Variants in CPED1 observed in about 807,000 individuals in gnomAD.
The protein encoded by CPED1 is cadherin like and PC-esterase domain containing 1, also known as cadherin-like and PC-esterase domain-containing protein 1.
Under a neutral mutation model 128.2 loss-of-function variants are expected in CPED1, and 114 were observed. That is an observed-to-expected ratio of 0.89 (90% CI 0.76 to 1.04). The LOEUF (loss-of-function observed/expected upper bound fraction) is 1.04. Ranked by LOEUF, CPED1 falls within the 50% of genes least tolerant of loss-of-function variation. The probability of loss-of-function intolerance (pLI) is 0.00; values close to 1 mark genes in which losing one functional copy is unlikely to be tolerated. For synonymous variants in CPED1, 462 were observed against 426.7 expected (o/e 1.08, Z -1.02); for missense variants, 1,211 against 1,207.1 (o/e 1.00, Z -0.05).
intron 7 of CPED1, among the ~76,000 whole-genome samples, chr7:121,122,539 T>G (rs1388840165): frequency 2.6e-5 from 4 of 152,210 alleles, no homozygotes; most frequent in African/African-American, 9.7e-5. Context: ...TCATTTAATC[T>G]CAAGGATACC....
chr7:121,080,975 C>A (rs1464717660), intron 5 of CPED1, among the ~76,000 whole-genome samples: 1 of 152,142 alleles, frequency 6.6e-6, no homozygotes, highest in Non-Finnish European at 1.5e-5. Context: ...TGCAACATAT[C>A]ATCAATATTA....
At chr7:121,199,600 C>T (rs1797342894) in intron 16 of CPED1, among the ~76,000 whole-genome samples, 1 of 144,654 alleles carries the variant, frequency 6.9e-6, no homozygotes, top group Non-Finnish European at 1.5e-5. Context: ...TCGCTTGAAC[C>T]TGGGAGCTAG....
chr7:121,094,699 G>A (rs117460765), intron 5 of CPED1, among the ~76,000 whole-genome samples: 95 of 152,274 alleles, frequency 6.2e-4, no homozygotes, highest in Non-Finnish European at 1.1e-3. Flanking sequence ...ATTGTTGGTA[G>A]ACAAGAACCA....
chr7:121,265,526 A>T (rs984820148), intron 18 of CPED1, among the ~76,000 whole-genome samples: 1 of 152,126 alleles, frequency 6.6e-6, no homozygotes, highest in Admixed American at 6.6e-5. Context: ...AGATAGCCAG[A>T]ACTAGACATT....
At chr7:121,159,714 C>A (rs1440465206) in intron 16 of CPED1, among the ~76,000 whole-genome samples, 1 of 152,100 alleles carries the variant, frequency 6.6e-6, no homozygotes, top group African/African-American at 2.4e-5. Flanking sequence ...AATTAGCTAA[C>A]ACTCTGTTGT....
At chr7:121,241,746 C>A (rs1438071914) in intron 17 of CPED1, among the ~76,000 whole-genome samples, 2 of 152,060 alleles carry the variant, frequency 1.3e-5, no homozygotes, top group Non-Finnish European at 2.9e-5. Flanking sequence ...CTATTTGGAA[C>A]AATTGTGGCT....
intron 2 of CPED1, among the ~76,000 whole-genome samples, chr7:121,007,231 A>ATTTTTTTTTTTTTTTTTT (rs398006038): frequency 3.9e-5 from 5 of 129,824 alleles, no homozygotes; most frequent in Non-Finnish European, 6.4e-5. Flanking sequence ...TTCAGGTTGC[A>ATTTTTTTTTTTTTTTTTT]TTTTTTTTTT....
At chr7:121,070,536 T>C (rs1324773257) in intron 5 of CPED1, among the ~76,000 whole-genome samples, 8 of 152,144 alleles carry the variant, frequency 5.3e-5, no homozygotes, top group African/African-American at 9.7e-5. Flanking sequence ...ATGGAACTAA[T>C]TCAGACTAAA....
chr7:121,016,247 T>C (rs1044973335), intron 3 of CPED1, among the ~76,000 whole-genome samples: 2 of 152,236 alleles, frequency 1.3e-5, no homozygotes, highest in African/African-American at 2.4e-5. Context: ...CCAGCTTAAA[T>C]GTGATTCACA....
intron 16 of CPED1, among the ~76,000 whole-genome samples, chr7:121,146,056 A>G (rs912057254): frequency 2.6e-5 from 4 of 152,166 alleles, no homozygotes; most frequent in African/African-American, 9.7e-5. Context: ...TTGTCTTAAC[A>G]TATTTGTGCT....
At chr7:121,093,219 A>G (rs1306078810) in intron 5 of CPED1, among the ~76,000 whole-genome samples, 1 of 152,140 alleles carries the variant, frequency 6.6e-6, no homozygotes, top group African/African-American at 2.4e-5. Context: ...CGTAGGCATC[A>G]TGGTGAAGGA....
intron 16 of CPED1, among the ~76,000 whole-genome samples, chr7:121,204,880 T>C (rs1316604832): frequency 6.6e-6 from 1 of 152,102 alleles, no homozygotes; most frequent in African/African-American, 2.4e-5. Flanking sequence ...AATGTTCCTT[T>C]CCTGCAGAAA....
At chr7:121,251,836 A>T (rs1798679664) in intron 18 of CPED1, among the ~76,000 whole-genome samples, 1 of 147,598 alleles carries the variant, frequency 6.8e-6, no homozygotes, top group Non-Finnish European at 1.5e-5. Flanking sequence ...ATGGAAAAAC[A>T]TTCCATGCTC....
chr7:121,007,204 G>A (rs1419334075), intron 2 of CPED1, among the ~76,000 whole-genome samples: 1 of 149,378 alleles, frequency 6.7e-6, no homozygotes, highest in Non-Finnish European at 1.5e-5. Context: ...GCTGGAGTTT[G>A]AAGCGTTGCG....
At chr7:121,162,360 A>C (rs62468527) in intron 16 of CPED1, among the ~76,000 whole-genome samples, 66,568 of 152,070 alleles carry the variant, frequency 0.44, 15,806 homozygotes, top group East Asian at 0.84. Flanking sequence ...TTACATATTG[A>C]TAACTAATTT....
intron 16 of CPED1, among the ~76,000 whole-genome samples, chr7:121,175,425 G>T (rs1035330552): frequency 6.6e-6 from 1 of 151,990 alleles, no homozygotes; most frequent in Admixed American, 6.6e-5. Context: ...GTTATAAACT[G>T]TCAATAAACT....
At position 121,273,613 on chromosome 7, in the gene CPED1, T is replaced by C. The variant is rs187486226; in HGVS notation, c.2868+2183T>C. 8.8e-4 allele frequency among the ~76,000 whole-genome samples: 134 copies of C among 152,256 alleles called. 2 individuals are homozygous for C. Among genetic ancestry groups the C allele is most frequent in the Middle Eastern group, 3.4e-3 (1 of 294 alleles). ...TGCAGTAGTTGCTCTGTATGATTTA[T>C]GGGTGGATTTACATTATCCTTTAAT... On this transcript the variant is annotated intron_variant, in intron 22 of 22. Coordinates refer to ENST00000310396, the MANE Select transcript of CPED1 (RefSeq NM_024913.5).
At chr7:121,100,651 T>G (rs903201339) in intron 7 of CPED1, among the ~76,000 whole-genome samples, 29 of 152,136 alleles carry the variant, frequency 1.9e-4, no homozygotes, top group African/African-American at 6.8e-4. Context: ...AAAAGGTAGC[T>G]CAGGTCAACT....
intron 4 of CPED1, among the ~76,000 whole-genome samples, chr7:121,060,827 G>T (rs761604224): frequency 2.6e-5 from 4 of 152,152 alleles, no homozygotes; most frequent in Non-Finnish European, 2.9e-5. Context: ...GTTCTTTTGC[G>T]CTTTGCAATA....
Sources: allele counts gnomAD v4.1 joint callset (sites outside exome capture counted in the v4.1 genomes callset), GRCh38; gene constraint gnomAD v4.1.1; transcripts MANE v1.5; gene names NCBI Gene and HGNC (gene_info 2026-07-23, HGNC 2026-07-21).